PDGFD: variants seen among roughly 807,000 people sequenced by gnomAD.
PDGFD encodes the protein platelet derived growth factor D.
A neutral mutation model predicts 44.7 loss-of-function variants in PDGFD; 30 were observed. The ratio of observed to expected loss-of-function variants is 0.67; its 90% CI spans 0.50 to 0.91. The LOEUF (loss-of-function observed/expected upper bound fraction) is 0.91. Ranked by LOEUF, PDGFD falls within the 40% of genes least tolerant of loss-of-function variation. The pLI, the probability that PDGFD is intolerant of heterozygous loss-of-function variation, is 0.00. For synonymous variants in PDGFD, 173 were observed against 168.4 expected (o/e 1.03, Z -0.21); for missense variants, 445 against 457.8 (o/e 0.97, Z 0.25).
chr11:103,961,611 G>T (rs1414767700), intron 3 of PDGFD, among the ~76,000 whole-genome samples: 1 of 151,958 alleles, frequency 6.6e-6, no homozygotes, highest in Non-Finnish European at 1.5e-5. Flanking sequence ...AGACAAATCA[G>T]AGGATCCTGA....
chr11:104,075,641 CCCA>C (rs2134424455), intron 1 of PDGFD, among the ~76,000 whole-genome samples: 1 of 152,076 alleles, frequency 6.6e-6, no homozygotes, highest in Admixed American at 6.6e-5. Context: ...ACAGGTGTGA[CCCA>C]CCATGCCGCC....
At chr11:104,050,460 C>T (rs1216885001) in intron 1 of PDGFD, among the ~76,000 whole-genome samples, 3 of 152,260 alleles carry the variant, frequency 2.0e-5, no homozygotes, top group South Asian at 2.1e-4. Flanking sequence ...TACTCTAAAA[C>T]ATTTAAATGA....
At chr11:104,156,664 A>T (rs1862312257) in intron 1 of PDGFD, among the ~76,000 whole-genome samples, 1 of 152,226 alleles carries the variant, frequency 6.6e-6, no homozygotes, top group Non-Finnish European at 1.5e-5. Context: ...ATCTGTCAAT[A>T]TTAAAGCTAA....
intron 1 of PDGFD, among the ~76,000 whole-genome samples, chr11:104,059,997 C>T (rs2134412863): frequency 6.6e-6 from 1 of 152,258 alleles, no homozygotes; most frequent in East Asian, 1.9e-4. Flanking sequence ...GGGTGATAGC[C>T]TGAGGAGAAA....
chr11:104,057,128 TC>T (rs573865922), intron 1 of PDGFD, among the ~76,000 whole-genome samples: 43 of 151,932 alleles, frequency 2.8e-4, no homozygotes, highest in African/African-American at 9.2e-4. Context: ...CTTCGTCCCC[TC>T]CCCCTACAAA....
At chr11:104,130,360 C>T (rs1391951154) in intron 1 of PDGFD, among the ~76,000 whole-genome samples, 2 of 152,092 alleles carry the variant, frequency 1.3e-5, no homozygotes, top group Non-Finnish European at 2.9e-5. Context: ...GTTTGGTTCT[C>T]TAGGTGGTGA....
chr11:104,163,872 C>T lies in PDGFD; in HGVS notation c.56G>A (p.Arg19Gln), dbSNP rs774483832. The T allele has an allele frequency of 6.3e-7, 1 of 1,576,858 alleles. No individual in the cohort carries two copies. Among genetic ancestry groups the T allele is most frequent in the African/African-American group, 1.3e-5 (1 of 74,424 alleles). ...TLICANFCSC[R>Q]DTSATPQSAS... Reference sequence around the variant, plus strand: ...GCTCTGCGGGGTTGCAGAAGTGTCCCGACAGCTGCAAAAGTTTGCGCAGAT... The same window carrying T: ...GCTCTGCGGGGTTGCAGAAGTGTCCTGACAGCTGCAAAAGTTTGCGCAGAT... Residue 19 changes from arginine (R) to glutamine (Q), a missense_variant, in exon 1 of 7, where the codon CGG (arginine) becomes CAG (glutamine). By Grantham distance (43) the Arg-to-Gln change is conservative (BLOSUM62 1). Coordinates refer to ENST00000393158, the MANE Select transcript of PDGFD (RefSeq NM_025208.5).
At chr11:104,144,739 G>T (rs1862139403) in intron 1 of PDGFD, among the ~76,000 whole-genome samples, 1 of 152,122 alleles carries the variant, frequency 6.6e-6, no homozygotes, top group Non-Finnish European at 1.5e-5. Flanking sequence ...TGATAGATCA[G>T]AAATTTTTAT....
chr11:103,959,837 G>A (rs1858909817), intron 3 of PDGFD, among the ~76,000 whole-genome samples: 1 of 152,176 alleles, frequency 6.6e-6, no homozygotes. Context: ...TAAACAACTT[G>A]AAGTCTTCTC....
chr11:103,938,454 G>T (rs1409770073), intron 5 of PDGFD, among the ~76,000 whole-genome samples: 1 of 152,070 alleles, frequency 6.6e-6, no homozygotes, highest in African/African-American at 2.4e-5. Flanking sequence ...CTGGATATTA[G>T]CCCTTTGTCA....
chr11:104,027,565 C>A (rs946214717), intron 1 of PDGFD, among the ~76,000 whole-genome samples: 1 of 152,140 alleles, frequency 6.6e-6, no homozygotes, highest in Non-Finnish European at 1.5e-5. Context: ...ATGCTTTGTC[C>A]AAGGACATTC....
intron 1 of PDGFD, among the ~76,000 whole-genome samples, chr11:104,114,452 T>C (rs545540365): frequency 6.6e-6 from 1 of 152,214 alleles, no homozygotes; most frequent in South Asian, 2.1e-4. Flanking sequence ...CACTGATCTA[T>C]TGGTATATTG....
At chr11:104,140,710 G>A (rs1826774769) in intron 1 of PDGFD, among the ~76,000 whole-genome samples, 1 of 151,960 alleles carries the variant, frequency 6.6e-6, no homozygotes, top group Admixed American at 6.6e-5. Context: ...CATTATCCTG[G>A]CAACTGAAGC....
chr11:103,949,241 G>A (rs2134326955), intron 3 of PDGFD, among the ~76,000 whole-genome samples: 2 of 152,112 alleles, frequency 1.3e-5, no homozygotes, highest in East Asian at 3.9e-4. Flanking sequence ...GACCTCAGGT[G>A]ATCTACCCAC....
At chr11:104,157,481 C>T (rs1402622811) in intron 1 of PDGFD, among the ~76,000 whole-genome samples, 1 of 152,184 alleles carries the variant, frequency 6.6e-6, no homozygotes, top group African/African-American at 2.4e-5. Context: ...AACATTACTC[C>T]CCATGCCTTT....
At chr11:103,973,485 A>G (rs1859134840) in intron 3 of PDGFD, among the ~76,000 whole-genome samples, 1 of 152,114 alleles carries the variant, frequency 6.6e-6, no homozygotes, top group South Asian at 2.1e-4. Context: ...TTAAGAGGTA[A>G]TGCTTGGAGT....
chr11:104,120,206 C>T (rs1391419648), intron 1 of PDGFD, among the ~76,000 whole-genome samples: 2 of 151,432 alleles, frequency 1.3e-5, no homozygotes, highest in Non-Finnish European at 3.0e-5. Flanking sequence ...TACATTGCCA[C>T]TATCATCATC....
At chr11:104,075,156 G>A (rs1329003734) in intron 1 of PDGFD, among the ~76,000 whole-genome samples, 1 of 152,128 alleles carries the variant, frequency 6.6e-6, no homozygotes, top group Non-Finnish European at 1.5e-5. Context: ...AGATACAAAT[G>A]TTCACTGGTC....
At chr11:104,081,178 A>G (rs1352841759) in intron 1 of PDGFD, among the ~76,000 whole-genome samples, 1 of 152,176 alleles carries the variant, frequency 6.6e-6, no homozygotes, top group Non-Finnish European at 1.5e-5. Context: ...TTCTTAAGCT[A>G]CTAACGTTTA....
Sources: allele counts gnomAD v4.1 joint callset (sites outside exome capture counted in the v4.1 genomes callset), GRCh38; gene constraint gnomAD v4.1.1; transcripts MANE v1.5; gene names NCBI Gene and HGNC (gene_info 2026-07-23, HGNC 2026-07-21).